ZNF718: variants seen among roughly 807,000 people sequenced by gnomAD.
ZNF718 encodes zinc finger protein 718.
Under a neutral mutation model 2.6 loss-of-function variants are expected in ZNF718, and 3 were observed. The observed-to-expected ratio is 1.16, with a 90% CI of 0.53 to 3.01. The LOEUF is 3.01. ZNF718 is among the 30% of genes most tolerant of loss of function. The pLI, the probability that ZNF718 is intolerant of heterozygous loss-of-function variation, is 0.03. For synonymous variants in ZNF718, 135 were observed against 77.9 expected (o/e 1.73, Z -3.86); for missense variants, 468 against 230.0 (o/e 2.03, Z -6.69).
chr4:197,032 G>A (rs1184721913), intron 3 of ZNF718, among the ~76,000 whole-genome samples: 1 of 147,160 alleles, frequency 6.8e-6, no homozygotes, highest in African/African-American at 2.5e-5. Context: ...GGAGTGGCCC[G>A]CCACATCTTG....
intron 3 of ZNF718, among the ~76,000 whole-genome samples, chr4:158,509 A>AC (rs1716678801): frequency 6.6e-6 from 1 of 151,566 alleles, no homozygotes; most frequent in Non-Finnish European, 1.5e-5. Flanking sequence ...TTTTTTGAGT[A>AC]TCTCTACAGA....
chr4:133,949 C>T (rs1200119694), intron 3 of ZNF718, among the ~76,000 whole-genome samples: 1 of 152,280 alleles, frequency 6.6e-6, no homozygotes, highest in East Asian at 1.9e-4. Context: ...ACTGTTGTAG[C>T]AAATTGTAAG....
At chr4:169,376 G>T (rs1717169577) in intron 3 of ZNF718, among the ~76,000 whole-genome samples, 1 of 152,140 alleles carries the variant, frequency 6.6e-6, no homozygotes, top group Non-Finnish European at 1.5e-5. Flanking sequence ...TCTGCTTGGT[G>T]CAGGGCTGTG....
intron 3 of ZNF718, among the ~76,000 whole-genome samples, chr4:176,381 C>T (rs1008471673): frequency 6.6e-6 from 1 of 152,108 alleles, no homozygotes; most frequent in Admixed American, 6.6e-5. Context: ...TTAAGCCCAA[C>T]CCCATTGTTT....
intron 3 of ZNF718, among the ~76,000 whole-genome samples, chr4:174,219 G>A (rs2108811223): frequency 6.6e-6 from 1 of 152,164 alleles, no homozygotes; most frequent in South Asian, 2.1e-4. Context: ...GTCTTTCCCT[G>A]TAACTTTTTC....
intron 3 of ZNF718, among the ~76,000 whole-genome samples, chr4:178,866 T>G (rs1717400495): frequency 6.6e-6 from 1 of 152,182 alleles, no homozygotes; most frequent in African/African-American, 2.4e-5. Context: ...ACTAAGCGTT[T>G]CCCTTGATAT....
rs782491136 is a variant in ZNF718, at chr4:161,546, A to G, written c.861A>G (p.Glu287=). Residue 287 remains glutamate, a synonymous_variant, in exon 4 of 4, where the codon GAA becomes GAG. Transcript: ENST00000510175. ...HSAQKYYKCE[E]CGKAFKWSSS... is the part of the protein sequence containing the mutation. Reference sequence around the variant, plus strand: ...CACAAAAATACTACAAATGTGAAGAATGTGGTAAAGCCTTTAAGTGGTCCT... The same window carrying G: ...CACAAAAATACTACAAATGTGAAGAGTGTGGTAAAGCCTTTAAGTGGTCCT... The G allele has an allele frequency of 2.8e-5, 22 of 780,790 alleles. No homozygotes were observed. The highest frequency in any genetic ancestry group is 6.8e-5 in the African/African-American group (4 of 59,142). The allele number at this position is 780,790 out of a possible 1,614,324, so 48.4% of individuals were successfully genotyped here. A position where few individuals can be genotyped will look rare whatever the true frequency, so the allele number is the denominator to read the frequency against.
At position 170,742 on chromosome 4, in the gene ZNF718, A is replaced by G. The variant is rs142953303; in HGVS notation, c.227-30339A>G. Among the ~76,000 whole-genome samples, 441 of 152,046 alleles carry G rather than the reference A, an allele frequency of 2.9e-3. 5 individuals carry two copies. The highest frequency in any genetic ancestry group is 9.8e-3 in the African/African-American group (405 of 41,496). ...CTCTGCATTATTATTCTAGTTAGCC[A>G]TTCGTCTAATTTTTTTTCAAGGTTT... On this transcript the variant is annotated intron_variant and NMD_transcript_variant, in intron 3 of 4. Transcript: ENST00000642529.
intron 3 of ZNF718, among the ~76,000 whole-genome samples, chr4:169,831 T>C (rs377044042): frequency 2.0e-5 from 3 of 152,036 alleles, no homozygotes; most frequent in East Asian, 1.9e-4. Context: ...TTAATTGGAG[T>C]ATTTAGCCCA....
Position 153,812 on chromosome 4 carries a change from A to T in ZNF718, c.227-7100A>T, listed in dbSNP as rs1351836210. Among the ~76,000 whole-genome samples, 4 of 152,334 alleles carry T rather than the reference A, an allele frequency of 2.6e-5. No individual in the cohort carries two copies. In the East Asian group the frequency reaches 7.7e-4, roughly 29 times the overall value. ...ACTGAACAGAAATCTATATACTGAC[A>T]AATCTATATACTGAACAGAACAAAA... is the stretch of plus-strand genomic sequence containing the variant. On this transcript the variant is annotated intron_variant, in intron 3 of 3. Coordinates refer to ENST00000510175, the MANE Select transcript of ZNF718 (RefSeq NM_001039127.6).
Position 182,562 on chromosome 4 carries a change from T to A in ZNF718, c.227-18519T>A, listed in dbSNP as rs150678338. 3.9e-5 allele frequency among the ~76,000 whole-genome samples: 6 copies of A among 152,102 alleles called. No individual in the cohort carries two copies. In the East Asian group the frequency reaches 1.2e-3, roughly 29 times the overall value. On this transcript the variant is annotated intron_variant and NMD_transcript_variant, in intron 3 of 4. Transcript: ENST00000642529. ...GATTCTTCTGCCTTAGCCTTCTGAGTAGCTGGGATCACAACAACCACCAAC... is the reference window on the plus strand; with the variant it reads ...GATTCTTCTGCCTTAGCCTTCTGAGAAGCTGGGATCACAACAACCACCAAC...
intron 3 of ZNF718, among the ~76,000 whole-genome samples, chr4:191,632 A>G (rs782117980): frequency 1.3e-5 from 2 of 152,158 alleles, no homozygotes; most frequent in Non-Finnish European, 2.9e-5. Flanking sequence ...AAAACCAGAA[A>G]AATAAATATA....
rs782725458 is a variant in ZNF718, at chr4:161,321, A to C, written c.636A>C (p.Ser212=). 2.2e-5 allele frequency: 17 copies of C among 780,844 alleles called. No homozygotes were observed. The East Asian group carries it at 3.9e-4, about 18-fold the overall frequency. The allele number at this position is 780,844 out of a possible 1,614,324, so 48.4% of individuals were successfully genotyped here. The change falls in exon 4 of 4, where the codon TCA becomes TCC. Residue 212 remains serine (S), a synonymous_variant. Transcript: ENST00000510175. ...EECGKAFNWS[S]ILTKHKRIHA... ...GTGGCAAAGCCTTTAATTGGTCCTC[A>C]ATTCTTACTAAACATAAGAGAATTC...
At chr4:133,195 A>AAAAAAAAAAT (rs1258303094) in intron 3 of ZNF718, among the ~76,000 whole-genome samples, 1 of 20,774 alleles carries the variant, frequency 4.8e-5, no homozygotes, top group African/African-American at 1.7e-4. Flanking sequence ...AAAAAAAAAA[A>AAAAAAAAAAT]ATATATATAT....
At chr4:192,103 G>C (rs1717704110) in intron 3 of ZNF718, among the ~76,000 whole-genome samples, 1 of 152,188 alleles carries the variant, frequency 6.6e-6, no homozygotes, top group Non-Finnish European at 1.5e-5. Context: ...TGGACACCCT[G>C]CTGGATCCAG....
chr4:192,602 T>C (rs1553821400), intron 3 of ZNF718, among the ~76,000 whole-genome samples: 2 of 152,144 alleles, frequency 1.3e-5, no homozygotes, highest in African/African-American at 4.8e-5. Flanking sequence ...TGGACAACTC[T>C]TAACTGCTAT....
intron 3 of ZNF718, among the ~76,000 whole-genome samples, chr4:140,121 A>T (rs917025685): frequency 6.6e-6 from 1 of 152,050 alleles, no homozygotes; most frequent in African/African-American, 2.4e-5. Context: ...CTTATGCTAA[A>T]TTCTTCCCTT....
At chr4:151,056 T>C (rs908864403) in intron 3 of ZNF718, among the ~76,000 whole-genome samples, 1 of 152,218 alleles carries the variant, frequency 6.6e-6, no homozygotes, top group Non-Finnish European at 1.5e-5. Flanking sequence ...ATTTGTTTTC[T>C]TTTCTATACA....
chr4:185,884 G>A (rs1553820419), intron 3 of ZNF718, among the ~76,000 whole-genome samples: 3 of 152,078 alleles, frequency 2.0e-5, no homozygotes. Flanking sequence ...GAGCCTATGT[G>A]TGTCTTTGCT....
Sources: allele counts gnomAD v4.1 joint callset (sites outside exome capture counted in the v4.1 genomes callset), GRCh38; gene constraint gnomAD v4.1.1; transcripts MANE v1.5; gene names NCBI Gene and HGNC (gene_info 2026-07-23, HGNC 2026-07-21).